Variants in COL21A1 observed in about 807,000 individuals in gnomAD.
The protein encoded by COL21A1 is collagen alpha-1(XXI) chain.
A neutral mutation model predicts 137.9 loss-of-function variants in COL21A1; 149 were observed. The observed-to-expected ratio is 1.08, with a 90% CI of 0.95 to 1.24. The LOEUF (loss-of-function observed/expected upper bound fraction) is 1.24. COL21A1 is among the 50% of genes most tolerant of loss of function. The pLI is 0.00. For synonymous variants in COL21A1, 456 were observed against 391.5 expected (o/e 1.16, Z -1.95); for missense variants, 1,167 against 1,158.4 (o/e 1.01, Z -0.11).
At chr6:56,190,708 C>T (rs1425655450) in intron 1 of COL21A1, among the ~76,000 whole-genome samples, 2 of 152,084 alleles carry the variant, frequency 1.3e-5, no homozygotes, top group African/African-American at 2.4e-5. Flanking sequence ...ACTGGCAAAC[C>T]GAACCCAGCA....
intron 1 of COL21A1, among the ~76,000 whole-genome samples, chr6:56,335,112 T>C (rs576968457): frequency 1.3e-5 from 2 of 152,184 alleles, no homozygotes; most frequent in Admixed American, 6.5e-5. Flanking sequence ...GGGCTAACGA[T>C]AGATGATGCA....
At chr6:56,206,952 C>T (rs574292183) in intron 1 of COL21A1, among the ~76,000 whole-genome samples, 46 of 151,846 alleles carry the variant, frequency 3.0e-4, no homozygotes, top group African/African-American at 1.0e-3. Context: ...GGGTAAATAA[C>T]AAAATGAAGG....
Position 56,064,573 on chromosome 6 carries a change from A to ACCCC in COL21A1, c.2172+4_2172+5insGGGG. On this transcript the variant is annotated splice_donor_region_variant and intron_variant, in intron 24 of 29. Transcript: ENST00000244728. The stretch of plus-strand genomic sequence containing the variant: ...ATTTTTTATCAGAAGAAAACCAAAA[A>ACCCC]ATACCTGTTGCCCTGGAATTCCCTG... 1 of 1,590,470 alleles carries ACCCC rather than the reference A, an allele frequency of 6.3e-7. No individual in the cohort carries two copies. The highest frequency in any genetic ancestry group is 8.6e-7 in the Non-Finnish European group (1 of 1,165,790).
chr6:56,299,253 T>C (rs545558964), intron 1 of COL21A1, among the ~76,000 whole-genome samples: 78 of 149,770 alleles, frequency 5.2e-4, no homozygotes, highest in South Asian at 1.7e-3. Flanking sequence ...ATAGAACCTT[T>C]CTGCTTTGGG....
At chr6:56,149,789 C>A (rs1165446041) in intron 10 of COL21A1, among the ~76,000 whole-genome samples, 1 of 152,196 alleles carries the variant, frequency 6.6e-6, no homozygotes, top group Non-Finnish European at 1.5e-5. Flanking sequence ...ATCACTCTGA[C>A]CCTAGCTGCC....
intron 20 of COL21A1, among the ~76,000 whole-genome samples, chr6:56,071,899 C>T (rs1461227282): frequency 1.3e-5 from 2 of 151,444 alleles, no homozygotes; most frequent in African/African-American, 4.8e-5. Context: ...GTTTGCTGCA[C>T]CTATCAACCC....
chr6:56,084,218 A>T (rs985853588), intron 17 of COL21A1, among the ~76,000 whole-genome samples: 52 of 131,296 alleles, frequency 4.0e-4, no homozygotes, highest in Non-Finnish European at 6.4e-4. Flanking sequence ...TGCAGAAAAA[A>T]TATATATATA....
At position 56,150,558 on chromosome 6, in the gene COL21A1, ACACACAC is replaced by A. The variant is rs1561920283; in HGVS notation, c.1434+6322_1434+6328del. Among the ~76,000 whole-genome samples, 353 of 147,826 alleles carry A rather than the reference ACACACAC, an allele frequency of 2.4e-3. 7 individuals carry two copies. Among genetic ancestry groups the A allele is most frequent in the African/African-American group, 6.8e-3 (260 of 38,326 alleles). ...CACACACACACACACACACACACACACACACACAAGAGTGGGGGGAACTGAATCACGA... is the reference window on the plus strand; with the variant it reads ...CACACACACACACACACACACACACAAAGAGTGGGGGGAACTGAATCACGA... On this transcript the variant is annotated intron_variant, in intron 10 of 29. Transcript: ENST00000244728.
chr6:56,068,518 C>T (rs1312468160), intron 22 of COL21A1, among the ~76,000 whole-genome samples: 3 of 151,506 alleles, frequency 2.0e-5, no homozygotes, highest in African/African-American at 4.8e-5. Context: ...TCTTTCCTTG[C>T]CAAAATATTT....
intron 1 of COL21A1, among the ~76,000 whole-genome samples, chr6:56,235,484 G>A (rs2152320706): frequency 6.6e-6 from 1 of 152,034 alleles, no homozygotes; most frequent in East Asian, 1.9e-4. Context: ...ACACTCTGCA[G>A]TGCTTGCTAA....
At chr6:56,315,021 A>T (rs1023926459) in intron 1 of COL21A1, among the ~76,000 whole-genome samples, 2 of 152,226 alleles carry the variant, frequency 1.3e-5, no homozygotes, top group East Asian at 3.8e-4. Context: ...ACAAAAATCA[A>T]TGCAACCGAT....
chr6:56,233,192 A>G (rs1781692445), intron 1 of COL21A1, among the ~76,000 whole-genome samples: 1 of 151,814 alleles, frequency 6.6e-6, no homozygotes, highest in African/African-American at 2.4e-5. Context: ...AAGCAGCCAT[A>G]TCCAATAAAT....
At chr6:56,288,694 G>C (rs749237044) in intron 1 of COL21A1, among the ~76,000 whole-genome samples, 1 of 152,156 alleles carries the variant, frequency 6.6e-6, no homozygotes, top group Non-Finnish European at 1.5e-5. Context: ...AAGGAAGCCC[G>C]AGGGCCAGCT....
intron 20 of COL21A1, among the ~76,000 whole-genome samples, chr6:56,072,231 T>C (rs1418438230): frequency 6.6e-6 from 1 of 151,562 alleles, no homozygotes; most frequent in East Asian, 1.9e-4. Flanking sequence ...GTTCATTCCA[T>C]GTCTTTTCTA....
Position 56,159,482 on chromosome 6 carries a change from G to A in COL21A1, c.1372-2533C>T, listed in dbSNP as rs376539948. On this transcript the variant is annotated intron_variant, in intron 9 of 29. Transcript: ENST00000244728. ...CAAGCAGCTGGGATTACAGGCATGC[G>A]CCACCATGCTCAGCTAATTTTTATA... 3.2e-3 allele frequency among the ~76,000 whole-genome samples: 479 copies of A among 151,980 alleles called. 5 individuals carry two copies. The highest frequency in any genetic ancestry group is 7.3e-3 in the South Asian group (35 of 4,798).
intron 17 of COL21A1, among the ~76,000 whole-genome samples, chr6:56,093,772 G>A (rs1342282962): frequency 6.6e-6 from 1 of 152,148 alleles, no homozygotes; most frequent in Non-Finnish European, 1.5e-5. Flanking sequence ...CAAACTGGCA[G>A]AGTTTCTGCT....
intron 1 of COL21A1, among the ~76,000 whole-genome samples, chr6:56,212,987 C>T (rs1387821495): frequency 6.6e-6 from 1 of 152,022 alleles, no homozygotes; most frequent in African/African-American, 2.4e-5. Flanking sequence ...ATTCTGCCAT[C>T]ATATGAATTT....
At position 56,097,989 on chromosome 6, in the gene COL21A1, ATATGT is replaced by A. The variant is rs1436746164; in HGVS notation, c.1812+3478_1812+3482del. Among the ~76,000 whole-genome samples, 251 of 33,242 alleles carry A rather than the reference ATATGT, an allele frequency of 7.6e-3. 1 individual carries two copies. The highest frequency in any genetic ancestry group is 0.031 in the East Asian group (25 of 800). 21.8% of individuals were successfully genotyped at this position (33,242 alleles called of 152,430 possible). ...TAAATATATAAATATATATAAATAT[ATATGT>A]AAATATATAAATATATAAATATATA... On this transcript the variant is annotated intron_variant, in intron 17 of 29. Coordinates refer to ENST00000244728, the MANE Select transcript of COL21A1 (RefSeq NM_030820.4).
intron 17 of COL21A1, among the ~76,000 whole-genome samples, chr6:56,085,373 TC>T (rs1768141981): frequency 6.6e-6 from 1 of 152,068 alleles, no homozygotes; most frequent in Non-Finnish European, 1.5e-5. Context: ...ATAGATTTGT[TC>T]TTGTTATTTT....
Sources: allele counts gnomAD v4.1 joint callset (sites outside exome capture counted in the v4.1 genomes callset), GRCh38; gene constraint gnomAD v4.1.1; transcripts MANE v1.5; gene names NCBI Gene and HGNC (gene_info 2026-07-23, HGNC 2026-07-21).